SLC25A27: variants seen among roughly 807,000 people sequenced by gnomAD.
SLC25A27 encodes the protein mitochondrial uncoupling protein 4.
SLC25A27 carries 35 observed loss-of-function variants against 49.1 expected under a neutral mutation model. The ratio of observed to expected loss-of-function variants is 0.71; its 90% CI spans 0.54 to 0.95. The LOEUF is 0.95. Among genes scored for constraint, SLC25A27 ranks in the 40% least tolerant of loss-of-function variants. The pLI, the probability that SLC25A27 is intolerant of heterozygous loss-of-function variation, is 0.00. For missense variants in SLC25A27, 339 were observed against 397.1 expected, an observed-to-expected ratio of 0.85 and a Z score of 1.24; for synonymous variants, 144 against 136.9, an observed-to-expected ratio of 1.05 and a Z score of -0.36.
chr6:46,666,524 T>C (rs1293855720), intron 5 of SLC25A27, among the ~76,000 whole-genome samples: 2 of 152,224 alleles, frequency 1.3e-5, no homozygotes, highest in Non-Finnish European at 2.9e-5. Flanking sequence ...GCTTTGCTAT[T>C]AGAGTCTGTC....
At chr6:46,669,923 C>T (rs1051299686) in intron 6 of SLC25A27, among the ~76,000 whole-genome samples, 6 of 152,162 alleles carry the variant, frequency 3.9e-5, no homozygotes, top group Non-Finnish European at 5.9e-5. Flanking sequence ...TGCTTGACAC[C>T]AGCAGGTGCA....
At chr6:46,655,343 T>C (rs1762936425) in intron 1 of SLC25A27, among the ~76,000 whole-genome samples, 1 of 152,130 alleles carries the variant, frequency 6.6e-6, no homozygotes, top group African/African-American at 2.4e-5. Context: ...CATAAGAATA[T>C]ATAGTGCAGT....
intron 2 of SLC25A27, 49 bp downstream of exon 2, chr6:46,656,083 G>T: frequency 6.7e-7 from 1 of 1,485,206 alleles, no homozygotes; most frequent in East Asian, 2.4e-5. Context: ...TTCTGTGTTT[G>T]TCTCCTGTGC....
At chr6:46,662,073 C>T (rs571692647) in intron 3 of SLC25A27, among the ~76,000 whole-genome samples, 6 of 152,210 alleles carry the variant, frequency 3.9e-5, no homozygotes, top group Non-Finnish European at 8.8e-5. Flanking sequence ...TTTTTATTCC[C>T]CTGTAGTTGG....
chr6:46,653,064 C>A lies in SLC25A27; in HGVS notation c.-129C>A. 1.2e-6 allele frequency: 1 copy of A among 853,040 alleles called. No homozygotes were observed. The highest frequency in any genetic ancestry group is 1.8e-6 in the Non-Finnish European group (1 of 540,980). The allele number at this position is 853,040 out of a possible 1,614,324, so 52.8% of individuals were successfully genotyped here. A position where few individuals can be genotyped will look rare whatever the true frequency, so the allele number is the denominator to read the frequency against. On this transcript the variant is annotated 5_prime_UTR_variant, in exon 1 of 9. Transcript: ENST00000371347. ...TGCGGGTCCACCCGGCCGAGCCGAA[C>A]GAGGGAAATGGTCCTCACCCGGCCA...
rs1763223821 is a variant in SLC25A27, at chr6:46,663,304, A to G, written c.506+806A>G. Among the ~76,000 whole-genome samples, 7 of 152,234 alleles carry G rather than the reference A, an allele frequency of 4.6e-5. No individual in the cohort carries two copies. The South Asian group carries it at 1.5e-3, about 32-fold the overall frequency. ...CAGGTCTGCAGCTGAGCCAGAGGCA[A>G]AGGAGGGTTTGGGGCCATCTTCACC... On this transcript the variant is annotated intron_variant, in intron 4 of 8. Transcript: ENST00000371347.
At chr6:46,675,085 C>T (rs1763717294) in intron 8 of SLC25A27, among the ~76,000 whole-genome samples, 1 of 152,150 alleles carries the variant, frequency 6.6e-6, no homozygotes, top group South Asian at 2.1e-4. Context: ...TTATATACCA[C>T]CCACATTTTT....
At chr6:46,659,461 C>T (rs1045822913) in intron 3 of SLC25A27, among the ~76,000 whole-genome samples, 4 of 151,940 alleles carry the variant, frequency 2.6e-5, no homozygotes, top group South Asian at 2.1e-4. Flanking sequence ...TTATAGGACA[C>T]GGTGAGATGA....
intron 5 of SLC25A27, among the ~76,000 whole-genome samples, chr6:46,666,211 A>G (rs1255647833): frequency 6.6e-6 from 1 of 152,014 alleles, no homozygotes; most frequent in Non-Finnish European, 1.5e-5. Flanking sequence ...CCCCCATGCC[A>G]TGTTGTATTA....
At chr6:46,658,870 G>A (rs1442367357) in intron 2 of SLC25A27, 92 bp from the exon 3 acceptor site, 2 of 892,462 alleles carry the variant, frequency 2.2e-6, no homozygotes, top group East Asian at 2.4e-5. Flanking sequence ...AGATTGACTA[G>A]GCCATGTCGG....
rs776947635 is a variant in SLC25A27, at chr6:46,676,822, T to C, written c.*368T>C. ...ACCAGGAGGGAGCCAGCATTTCAGA[T>C]CTGAAGTAGACGATAGGAATGTGGA... On this transcript the variant is annotated 3_prime_UTR_variant, in exon 9 of 9. Transcript: ENST00000371347. The C allele has an allele frequency of 1.2e-4, 90 of 736,890 alleles. No individual in the cohort carries two copies. Among genetic ancestry groups the C allele is most frequent in the Non-Finnish European group, 1.9e-4 (82 of 424,526 alleles). The allele number at this position is 736,890 out of a possible 1,614,324, so 45.6% of individuals were successfully genotyped here.
intron 3 of SLC25A27, among the ~76,000 whole-genome samples, chr6:46,659,843 AG>A (rs1763106636): frequency 6.6e-6 from 1 of 151,308 alleles, no homozygotes; most frequent in Admixed American, 6.6e-5. Context: ...TGACAGAGCA[AG>A]GCTCTGTCTC....
chr6:46,675,879 G>T (rs534329044), intron 8 of SLC25A27, among the ~76,000 whole-genome samples: 14 of 152,238 alleles, frequency 9.2e-5, no homozygotes, highest in African/African-American at 2.9e-4. Flanking sequence ...GACATCAGGT[G>T]TTGGTTTTAT....
At position 46,676,744 on chromosome 6, in the gene SLC25A27, G is replaced by GC; in HGVS notation, c.*290_*291insC. The GC allele has an allele frequency of 6.7e-7, 1 of 1,500,722 alleles. No individual in the cohort carries two copies. Among genetic ancestry groups the GC allele is most frequent in the South Asian group, 1.2e-5 (1 of 82,948 alleles). 93.0% of individuals were successfully genotyped at this position (1,500,722 alleles called of 1,614,324 possible). On this transcript the variant is annotated 3_prime_UTR_variant, in exon 9 of 9. Transcript: ENST00000371347. ...GACCACTTTCACCTTGGGCAAGAAG[G>GC]TTTGGCCTTTGAGTTGCTATTCTAT...
chr6:46,663,544 G>A (rs544638890), intron 4 of SLC25A27, among the ~76,000 whole-genome samples: 2 of 152,152 alleles, frequency 1.3e-5, no homozygotes, highest in African/African-American at 2.4e-5. Context: ...TAAATAACAG[G>A]GAGAAGTCAC....
At chr6:46,657,077 A>G (rs987722129) in intron 2 of SLC25A27, among the ~76,000 whole-genome samples, 2 of 152,154 alleles carry the variant, frequency 1.3e-5, no homozygotes, top group African/African-American at 4.8e-5. Context: ...GAGGTGTGAA[A>G]ACAGCTTGAA....
At chr6:46,664,745 T>A (rs779224907) in intron 4 of SLC25A27, 29 bp from the exon 5 acceptor site, 1 of 1,326,852 alleles carries the variant, frequency 7.5e-7, no homozygotes, top group South Asian at 1.3e-5. Context: ...ATACATGGAG[T>A]TTTCACATTT....
intron 6 of SLC25A27, 24 bp downstream of exon 6, chr6:46,668,817 C>T: frequency 1.5e-6 from 2 of 1,305,984 alleles, no homozygotes; most frequent in Non-Finnish European, 2.2e-6. Flanking sequence ...TAGTTGGACT[C>T]TGTTTTTTTT....
rs751030565 is a variant in SLC25A27, at chr6:46,676,395, A to G, written c.913A>G (p.Met305Val). 7.4e-6 allele frequency: 12 copies of G among 1,614,010 alleles called. No individual in the cohort carries two copies. The highest frequency in any genetic ancestry group is 1.0e-5 in the Non-Finnish European group (12 of 1,179,890). The change falls in exon 9 of 9, where the codon ATG (methionine) becomes GTG (valine). Residue 305 changes from methionine to valine, a missense_variant. Transcript: ENST00000371347. ...PSWLRMTPWSMVFWLTYEKIR... is the reference protein window; with the variant it reads ...PSWLRMTPWSVVFWLTYEKIR... Reference sequence around the variant, plus strand: ...GTTAATCTTTCAGACCCCTTGGTCAATGGTGTTCTGGCTTACTTATGAAAA... The same window carrying G: ...GTTAATCTTTCAGACCCCTTGGTCAGTGGTGTTCTGGCTTACTTATGAAAA...
Sources: allele counts gnomAD v4.1 joint callset (sites outside exome capture counted in the v4.1 genomes callset), GRCh38; gene constraint gnomAD v4.1.1; transcripts MANE v1.5; gene names NCBI Gene and HGNC (gene_info 2026-07-23, HGNC 2026-07-21).